ABCG1: variants seen among roughly 807,000 people sequenced by gnomAD.
ABCG1 encodes ATP binding cassette subfamily G member 1, also known as ATP-binding cassette sub-family G member 1.
ABCG1 carries 29 observed loss-of-function variants against 69.2 expected under a neutral mutation model. That is an observed-to-expected ratio of 0.42 (90% CI 0.31 to 0.57). ABCG1 has a LOEUF of 0.57. ABCG1 is among the 20% of genes least tolerant of loss of function. ABCG1 has a pLI of 0.15. For synonymous variants in ABCG1, 370 were observed against 374.8 expected, an observed-to-expected ratio of 0.99 and a Z score of 0.15; for missense variants, 718 against 898.1, an observed-to-expected ratio of 0.80 and a Z score of 2.56.
intron 5 of ABCG1, among the ~76,000 whole-genome samples, chr21:42,278,185 C>A (rs1406165736): frequency 6.6e-6 from 1 of 152,154 alleles, no homozygotes; most frequent in Admixed American, 6.5e-5. Flanking sequence ...GTGTTCCTGG[C>A]CCTTCATGGG....
chr21:42,291,613 A>G lies in ABCG1; in HGVS notation c.1610A>G (p.Gln537Arg). Residue 537 changes from glutamine to arginine, a missense_variant, in exon 13 of 15, where the codon CAG becomes CGG. Around this residue, in one of 2 missense-constraint regions of ABCG1, gnomAD observed 204 missense variants for 323.8 expected, o/e 0.63. Transcript: ENST00000398449. The surrounding 1 kb of genome is among the most constrained non-coding windows in gnomAD (Gnocchi z 6.4). ...GGCACCATGACCTCCCTGGTGGCAC[A>G]GTCCCTGGGCCTGCTGATCGGAGCC... ...ALGTMTSLVA[Q>R]SLGLLIGAAS... is the part of the protein sequence containing the mutation. 1 of 1,609,310 alleles carries G rather than the reference A, an allele frequency of 6.2e-7. No homozygotes were observed. The highest frequency in any genetic ancestry group is 8.5e-7 in the Non-Finnish European group (1 of 1,179,852).
chr21:42,294,973 C>T, intron 14 of ABCG1: 2 of 324,386 alleles, frequency 6.2e-6, no homozygotes, highest in Non-Finnish European at 1.2e-5. Flanking sequence ...AACGTTCTTC[C>T]TCCCCGAAGT....
intron 4 of ABCG1, among the ~76,000 whole-genome samples, chr21:42,275,186 GT>G (rs1452825451): frequency 6.6e-6 from 1 of 152,188 alleles, no homozygotes; most frequent in Non-Finnish European, 1.5e-5. Flanking sequence ...AGCAGGTTAC[GT>G]TTGCAGACAC....
intron 2 of ABCG1, among the ~76,000 whole-genome samples, chr21:42,226,230 T>C (rs2067815182): frequency 6.6e-6 from 1 of 152,160 alleles, no homozygotes; most frequent in Non-Finnish European, 1.5e-5. Flanking sequence ...TCCTCTTTTG[T>C]GGATGCTGTT....
chr21:42,255,609 G>A (rs2068291440), intron 2 of ABCG1, among the ~76,000 whole-genome samples: 1 of 152,224 alleles, frequency 6.6e-6, no homozygotes. Flanking sequence ...AGGCTGAAAC[G>A]CCAGTTAGAA....
chr21:42,266,413 T>A (rs1057126903), intron 2 of ABCG1, among the ~76,000 whole-genome samples: 1 of 152,184 alleles, frequency 6.6e-6, no homozygotes, highest in Non-Finnish European at 1.5e-5. Context: ...ACTGCTCCTT[T>A]TATAGTGAGT....
intron 1 of ABCG1, among the ~76,000 whole-genome samples, chr21:42,224,477 G>A (rs554123261): frequency 3.2e-4 from 48 of 152,294 alleles, no homozygotes; most frequent in African/African-American, 1.1e-3. Context: ...GGGAATGCGG[G>A]GAACCCACTT....
At chr21:42,252,148 A>T (rs947214642) in intron 2 of ABCG1, among the ~76,000 whole-genome samples, 1 of 152,200 alleles carries the variant, frequency 6.6e-6, no homozygotes, top group African/African-American at 2.4e-5. Context: ...TGCCCGGACA[A>T]GAAGGAGCTG....
At chr21:42,207,330 T>A (rs1332218459) in intron 2 of ABCG1, among the ~76,000 whole-genome samples, 2 of 152,212 alleles carry the variant, frequency 1.3e-5, no homozygotes, top group African/African-American at 4.8e-5. Flanking sequence ...CCCAGTTTAT[T>A]AATTTTTTCC....
At position 42,291,296 on chromosome 21, in the gene ABCG1, C is replaced by T. The variant is rs777634142; in HGVS notation, c.1494+104C>T. The T allele has an allele frequency of 2.4e-5, 28 of 1,181,392 alleles. No homozygotes were observed. Among genetic ancestry groups the T allele is most frequent in the Non-Finnish European group, 2.9e-5 (24 of 819,386 alleles). 73.2% of individuals were successfully genotyped at this position (1,181,392 alleles called of 1,614,324 possible). A position where few individuals can be genotyped will look rare whatever the true frequency, so the allele number is the denominator to read the frequency against. ...GCCAGGGATGCAGGGTGACATGGCCCGACTTCGGGAGCTCTGGTGGGAGCT... is the reference window on the plus strand; with the variant it reads ...GCCAGGGATGCAGGGTGACATGGCCTGACTTCGGGAGCTCTGGTGGGAGCT... On this transcript the variant is annotated intron_variant, in intron 12 of 14. Transcript: ENST00000398449. The surrounding 1 kb of genome is among the most constrained non-coding windows in gnomAD (Gnocchi z 6.4).
chr21:42,252,904 T>A (rs1018047679), intron 2 of ABCG1, among the ~76,000 whole-genome samples: 1 of 152,044 alleles, frequency 6.6e-6, no homozygotes, highest in African/African-American at 2.4e-5. Context: ...GCGAGTGAGG[T>A]TCTGGTGCTG....
At chr21:42,275,065 G>A (rs1038684528) in intron 4 of ABCG1, among the ~76,000 whole-genome samples, 2 of 152,144 alleles carry the variant, frequency 1.3e-5, no homozygotes, top group African/African-American at 4.8e-5. Context: ...GTTCGCCTTG[G>A]TTTTCCACCT....
intron 1 of ABCG1, among the ~76,000 whole-genome samples, chr21:42,222,161 A>G (rs1378534740): frequency 6.6e-6 from 1 of 152,210 alleles, no homozygotes; most frequent in Non-Finnish European, 1.5e-5. Flanking sequence ...AGTGAAAGGA[A>G]AAAATGAAGA....
rs1269516157 is a variant in ABCG1 at position 42,288,635 on chromosome 21, G to T, written c.1224+323G>T. Among the ~76,000 whole-genome samples the T allele has an allele frequency of 1.3e-5, 2 of 152,088 alleles. No individual in the cohort carries two copies. The highest frequency in any genetic ancestry group is 2.9e-5 in the Non-Finnish European group (2 of 68,008). ...GGCAGGAGAACTGCTTGAACCCAGGGGGGCGGAGATTGCAGTGAGCCGAGA... is the reference window on the plus strand; with the variant it reads ...GGCAGGAGAACTGCTTGAACCCAGGTGGGCGGAGATTGCAGTGAGCCGAGA... On this transcript the variant is annotated intron_variant, in intron 10 of 14. Transcript: ENST00000398449. The surrounding 1 kb of genome is among the most constrained non-coding windows in gnomAD (Gnocchi z 4.8).
chr21:42,240,258 C>T (rs1006075007), intron 2 of ABCG1, among the ~76,000 whole-genome samples: 7 of 152,152 alleles, frequency 4.6e-5, no homozygotes, highest in African/African-American at 1.4e-4. Flanking sequence ...GACAGGTGGG[C>T]GATGAGTTCA....
At position 42,276,077 on chromosome 21, in the gene ABCG1, G is replaced by C. The variant is rs1466128729; in HGVS notation, c.538-818G>C. Among the ~76,000 whole-genome samples the C allele has an allele frequency of 2.7e-5, 4 of 148,796 alleles. No homozygotes were observed. Among genetic ancestry groups the C allele is most frequent in the African/African-American group, 9.9e-5 (4 of 40,210 alleles). ...ACTTCTCTAGCTAATGAGGTGGACA[G>C]AGCTTAACCTCACCATTGTGCCAGT... On this transcript the variant is annotated intron_variant, in intron 4 of 14. Coordinates refer to ENST00000398449, the MANE Select transcript of ABCG1 (RefSeq NM_016818.3). The surrounding 1 kb of genome is among the most constrained non-coding windows in gnomAD (Gnocchi z 5.3).
At position 42,229,062 on chromosome 21, in the gene ABCG1, A is replaced by C. The variant is rs529047287; in HGVS notation, c.286+3148A>C. Among the ~76,000 whole-genome samples, 218 of 152,046 alleles carry C rather than the reference A, an allele frequency of 1.4e-3. 1 individual carries two copies. Among genetic ancestry groups the C allele is most frequent in the African/African-American group, 4.9e-3 (202 of 41,474 alleles). Reference sequence around the variant, plus strand: ...TCGGCCTCTTTTGCCCCTCCCATGCATGGGTTCCTCCTGCTCCTGCTTTTG... The same window carrying C: ...TCGGCCTCTTTTGCCCCTCCCATGCCTGGGTTCCTCCTGCTCCTGCTTTTG... On this transcript the variant is annotated intron_variant, in intron 2 of 14. Transcript: ENST00000398449.
chr21:42,276,009 G>A lies in ABCG1; in HGVS notation c.538-886G>A, dbSNP rs533421072. 2.7e-3 allele frequency among the ~76,000 whole-genome samples: 130 copies of A among 48,004 alleles called. 5 individuals carry two copies. The South Asian group carries it at 0.062, about 23-fold the overall frequency. 31.5% of individuals were successfully genotyped at this position (48,004 alleles called of 152,430 possible). A position where few individuals can be genotyped will look rare whatever the true frequency, so the allele number is the denominator to read the frequency against. The stretch of plus-strand genomic sequence containing the variant: ...TGCCCCACACCCCGCCCCCCTCCCC[G>A]CCACCGCCCTGCATCTCACCCTCTC... On this transcript the variant is annotated intron_variant, in intron 4 of 14. Coordinates refer to ENST00000398449, the MANE Select transcript of ABCG1 (RefSeq NM_016818.3). The surrounding 1 kb of genome is among the most constrained non-coding windows in gnomAD (Gnocchi z 5.3).
chr21:42,244,067 T>C lies in ABCG1; in HGVS notation c.286+18153T>C, dbSNP rs527878780. Among the ~76,000 whole-genome samples the C allele has an allele frequency of 1.1e-3, 167 of 152,080 alleles. 1 individual carries two copies. Among genetic ancestry groups the C allele is most frequent in the Admixed American group, 8.2e-3 (126 of 15,276 alleles). On this transcript the variant is annotated intron_variant, in intron 2 of 14. Coordinates refer to ENST00000398449, the MANE Select transcript of ABCG1 (RefSeq NM_016818.3). ...ATCTCCTGACCTCGTGATCCGCCCATCTCGGCCTCCCAAAGTGCTGGGATT... is the reference window on the plus strand; with the variant it reads ...ATCTCCTGACCTCGTGATCCGCCCACCTCGGCCTCCCAAAGTGCTGGGATT...
Sources: gnomAD v4.1 joint callset for allele counts (sites outside exome capture counted in the v4.1 genomes callset) on GRCh38, gnomAD v4.1.1 for gene constraint, gnomAD v4.1.1 regional missense constraint, Gnocchi (gnomAD v3.1) non-coding constraint, MANE v1.5 for transcripts, NCBI Gene and HGNC (gene_info 2026-07-23, HGNC 2026-07-21) for gene names.